Variants in CYP4F12 observed in about 807,000 individuals in gnomAD.
The protein encoded by CYP4F12 is cytochrome P450 4F12.
Under a neutral mutation model 56.5 loss-of-function variants are expected in CYP4F12, and 60 were observed. The ratio of observed to expected loss-of-function variants is 1.06; its 90% CI spans 0.86 to 1.32. The LOEUF (loss-of-function observed/expected upper bound fraction) is 1.32. Ranked by LOEUF, CYP4F12 falls within the 40% of genes most tolerant of loss-of-function variation. The pLI is 0.00. For synonymous variants in CYP4F12, 263 were observed against 264.9 expected (o/e 0.99, Z 0.07); for missense variants, 711 against 683.5 (o/e 1.04, Z -0.45).
chr19:15,673,790 A>G, intron 2 of CYP4F12, 63 bp downstream of exon 2: 1 of 1,585,276 alleles, frequency 6.3e-7, no homozygotes, highest in Non-Finnish European at 8.6e-7. Context: ...AGGAGCAGGA[A>G]TGGGGCTCAG....
At chr19:15,694,186 C>A (rs1214974273) in intron 9 of CYP4F12, among the ~76,000 whole-genome samples, 1 of 144,134 alleles carries the variant, frequency 6.9e-6, no homozygotes, top group South Asian at 2.3e-4. Flanking sequence ...CTTTTTGGTG[C>A]CATATGAACT....
chr19:15,687,118 G>A (rs112114179), intron 9 of CYP4F12, among the ~76,000 whole-genome samples: 44,100 of 151,770 alleles, frequency 0.29, 7,110 homozygotes, highest in African/African-American at 0.42. Context: ...TCTACTAAAA[G>A]TATAAAAAAT....
rs1326131594 is a variant in CYP4F12 at position 15,684,805 on chromosome 19, T to C, written c.919-11T>C. 2.5e-6 allele frequency: 4 copies of C among 1,594,166 alleles called. No individual in the cohort carries two copies. The highest frequency in any genetic ancestry group is 1.3e-5 in the African/African-American group (1 of 74,400). On this transcript the variant is annotated splice_polypyrimidine_tract_variant and intron_variant, in intron 7 of 12. Coordinates refer to ENST00000550308, the MANE Select transcript of CYP4F12 (RefSeq NM_023944.4). Reference sequence around the variant, plus strand: ...GTGTGTGTGTGTGTGTGTGTCTTGCTTTCTCTTCAGGATGAAGATGGGAAG... The same window carrying C: ...GTGTGTGTGTGTGTGTGTGTCTTGCCTTCTCTTCAGGATGAAGATGGGAAG...
chr19:15,685,180 T>G lies in CYP4F12; in HGVS notation c.1098T>G (p.Asp366Glu), dbSNP rs1282397175. The change falls in exon 9 of 13, where the codon GAT (aspartate) becomes GAG (glutamate). Residue 366 changes from aspartate (D) to glutamate (E), a missense_variant. By Grantham distance (45) the Asp-to-Glu change is conservative. Coordinates refer to ENST00000550308, the MANE Select transcript of CYP4F12 (RefSeq NM_023944.4). The stretch of plus-strand genomic sequence containing the variant: ...TGCAAGAGCTTCTGAAGGACCGCGA[T>G]CCTAAAGAGATTGAATGGTGAGTGC... ...QEVQELLKDR[D>E]PKEIEWDDLA... 1 of 1,614,018 alleles carries G rather than the reference T, an allele frequency of 6.2e-7. No individual in the cohort carries two copies. Among genetic ancestry groups the G allele is most frequent in the South Asian group, 1.1e-5 (1 of 91,068 alleles).
intron 5 of CYP4F12, 166 bp from the exon 6 acceptor site, chr19:15,682,223 A>T: frequency 1.2e-6 from 1 of 848,736 alleles, no homozygotes; most frequent in African/African-American, 1.7e-5. Context: ...CATCTCCTAT[A>T]CTAACAGTTT....
intron 3 of CYP4F12, 123 bp downstream of exon 3, chr19:15,678,528 C>T: frequency 1.5e-6 from 2 of 1,298,810 alleles, no homozygotes; most frequent in Non-Finnish European, 2.2e-6. Flanking sequence ...ATGTCTTCTC[C>T]CTCCATTGCC....
chr19:15,684,765 TG>T (rs2007509469), intron 7 of CYP4F12, 50 bp from the exon 8 acceptor site: 1 of 450,528 alleles, frequency 2.2e-6, no homozygotes, highest in African/African-American at 3.3e-5. Context: ...TTTGTGTGTG[TG>T]TGTGTGTGTG....
chr19:15,692,916 AT>A (rs1464543051), intron 9 of CYP4F12, among the ~76,000 whole-genome samples: 21 of 100,778 alleles, frequency 2.1e-4, no homozygotes, highest in African/African-American at 7.9e-4. Context: ...TCTACTAAAA[AT>A]AAAAAAAAAA....
At chr19:15,673,781 G>A (rs540840131) in intron 2 of CYP4F12, 54 bp downstream of exon 2, 107 of 1,596,640 alleles carry the variant, frequency 6.7e-5, no homozygotes, top group Non-Finnish European at 8.0e-5. Context: ...GACTTCCAGA[G>A]GAGCAGGAAT....
chr19:15,695,452 A>G (rs1431623361), intron 9 of CYP4F12, among the ~76,000 whole-genome samples: 2 of 151,818 alleles, frequency 1.3e-5, no homozygotes, highest in African/African-American at 2.4e-5. Context: ...ATGTATACAT[A>G]TGTAACTAAC....
Position 15,696,389 on chromosome 19 carries a change from T to C in CYP4F12, c.1315-41T>C, listed in dbSNP as rs372284672. Reference sequence around the variant, plus strand: ...AGTGTCTCTCCAAGGCTGCTGGACATAGGAAATCCCACTGGCAAACCTTCT... The same window carrying C: ...AGTGTCTCTCCAAGGCTGCTGGACACAGGAAATCCCACTGGCAAACCTTCT... On this transcript the variant is annotated intron_variant, in intron 11 of 12. Transcript: ENST00000550308. The C allele has an allele frequency of 3.1e-5, 50 of 1,613,600 alleles. No individual in the cohort carries two copies. The African/African-American group carries it at 5.3e-4, about 17-fold the overall frequency.
rs1019716313 is a variant in CYP4F12, at chr19:15,683,768, G to C, written c.918+5G>C. On this transcript the variant is annotated splice_donor_5th_base_variant and intron_variant, in intron 7 of 12. Coordinates refer to ENST00000550308, the MANE Select transcript of CYP4F12 (RefSeq NM_023944.4). The stretch of plus-strand genomic sequence containing the variant: ...GATGTGCTTCTGCTGAGCAAGGTAG[G>C]TTTCTCTATGATCTGAATTTAGGTG... The C allele has an allele frequency of 2.6e-6, 4 of 1,529,152 alleles. No individual in the cohort carries two copies. The highest frequency in any genetic ancestry group is 1.4e-5 in the African/African-American group (1 of 72,040). The allele number at this position is 1,529,152 out of a possible 1,614,324, so 94.7% of individuals were successfully genotyped here. A position where few individuals can be genotyped will look rare whatever the true frequency, so the allele number is the denominator to read the frequency against.
intron 9 of CYP4F12, among the ~76,000 whole-genome samples, chr19:15,694,054 G>A (rs151187032): frequency 0.016 from 2,469 of 151,372 alleles, 2 homozygotes; most frequent in African/African-American, 0.058. Flanking sequence ...CTAGATCTCT[G>A]TTTTGGTACC....
At position 15,692,085 on chromosome 19, in the gene CYP4F12, AG is replaced by A. The variant is rs1409578800; in HGVS notation, c.1116-3850del. ...GCTATTCTCCTGCCTCAGCCTCCCG[AG>A]TAACTGGGACTACAGGCACCCTCCA... On this transcript the variant is annotated intron_variant, in intron 9 of 12. Transcript: ENST00000550308. 7.2e-5 allele frequency among the ~76,000 whole-genome samples: 11 copies of A among 152,092 alleles called. No individual in the cohort carries two copies. The East Asian group carries it at 2.1e-3, about 29-fold the overall frequency.
intron 9 of CYP4F12, 36 bp from the exon 10 acceptor site, chr19:15,695,900 C>T (rs747299346): frequency 6.3e-7 from 1 of 1,588,498 alleles, no homozygotes; most frequent in Non-Finnish European, 8.5e-7. Flanking sequence ...TGTATTTGTT[C>T]CCTTGATAAT....
intron 7 of CYP4F12, 125 bp from the exon 8 acceptor site, chr19:15,684,691 T>C (rs2144736015): frequency 1.0e-6 from 1 of 974,702 alleles, no homozygotes; most frequent in African/African-American, 1.6e-5. Context: ...CATTTGAGTT[T>C]CTGGAAGATC....
At chr19:15,679,969 T>C (rs1345663300) in intron 3 of CYP4F12, among the ~76,000 whole-genome samples, 1 of 152,206 alleles carries the variant, frequency 6.6e-6, no homozygotes, top group African/African-American at 2.4e-5. Flanking sequence ...TGTGGAGCTG[T>C]GTTCAGTTGT....
At chr19:15,688,560 T>C (rs1023730998) in intron 9 of CYP4F12, among the ~76,000 whole-genome samples, 1 of 152,184 alleles carries the variant, frequency 6.6e-6, no homozygotes, top group Non-Finnish European at 1.5e-5. Flanking sequence ...TTTAACGCAA[T>C]GCCTATGAAA....
chr19:15,681,666 C>T (rs551792579), intron 5 of CYP4F12: 1 of 152,352 alleles, frequency 6.6e-6, no homozygotes, highest in African/African-American at 2.4e-5. Context: ...CAGGAGGAGT[C>T]ATTGCCTTAT....
Sources: allele counts gnomAD v4.1 joint callset (sites outside exome capture counted in the v4.1 genomes callset), GRCh38; gene constraint gnomAD v4.1.1; transcripts MANE v1.5; gene names NCBI Gene and HGNC (gene_info 2026-07-23, HGNC 2026-07-21).